ACP1: variants seen among roughly 807,000 people sequenced by gnomAD.
ACP1 encodes the protein low molecular weight phosphotyrosine protein phosphatase.
ACP1 carries 23 observed loss-of-function variants against 23.4 expected under a neutral mutation model. The ratio of observed to expected loss-of-function variants is 0.98; its 90% CI spans 0.71 to 1.39. The LOEUF (loss-of-function observed/expected upper bound fraction) is 1.39. Among genes scored for constraint, ACP1 ranks in the 40% most tolerant of loss-of-function variants. The pLI, the probability that ACP1 is intolerant of heterozygous loss-of-function variation, is 0.00. For missense variants in ACP1, 180 were observed against 197.7 expected, an observed-to-expected ratio of 0.91 and a Z score of 0.54; for synonymous variants, 72 against 67.2, an observed-to-expected ratio of 1.07 and a Z score of -0.35.
At chr2:269,863 T>G (rs187605972) in intron 1 of ACP1, among the ~76,000 whole-genome samples, 97 of 152,316 alleles carry the variant, frequency 6.4e-4, no homozygotes, top group Admixed American at 2.3e-3. Context: ...ATCATTTCCT[T>G]TTGTCCAGTG....
Position 278,260 on chromosome 2 carries a change from T to C in ACP1, c.*956T>C, listed in dbSNP as rs1413203851. Reference sequence around the variant, plus strand: ...TATTTCAAAATAAACTGGGGAGTTATAAAAATACAACTAGAGATATAAATC... The same window carrying C: ...TATTTCAAAATAAACTGGGGAGTTACAAAAATACAACTAGAGATATAAATC... On this transcript the variant is annotated 3_prime_UTR_variant, in exon 6 of 6. Coordinates refer to ENST00000272065, the MANE Select transcript of ACP1 (RefSeq NM_004300.4). The C allele has an allele frequency of 1.3e-5, 2 of 152,354 alleles. No homozygotes were observed. Among genetic ancestry groups the C allele is most frequent in the Non-Finnish European group, 2.9e-5 (2 of 68,026 alleles). The allele number at this position is 152,354 out of a possible 1,614,324, so 9.4% of individuals were successfully genotyped here. A position where few individuals can be genotyped will look rare whatever the true frequency, so the allele number is the denominator to read the frequency against.
intron 4 of ACP1, among the ~76,000 whole-genome samples, chr2:275,927 T>A (rs2103076232): frequency 6.6e-6 from 1 of 152,360 alleles, no homozygotes; most frequent in East Asian, 1.9e-4. Context: ...ATGCACCAGT[T>A]TCAATTATTT....
chr2:266,933 G>A (rs1482887733), intron 1 of ACP1, among the ~76,000 whole-genome samples: 1 of 152,114 alleles, frequency 6.6e-6, no homozygotes, highest in Non-Finnish European at 1.5e-5. Context: ...AACTAAGGGT[G>A]ACTCGAACTC....
chr2:275,968 TG>T (rs1352258195), intron 4 of ACP1, among the ~76,000 whole-genome samples: 4 of 152,246 alleles, frequency 2.6e-5, no homozygotes, highest in Non-Finnish European at 5.9e-5. Context: ...TTAAAATGCA[TG>T]TATTTTTTAA....
chr2:269,067 C>T (rs893029337), intron 1 of ACP1, among the ~76,000 whole-genome samples: 1 of 152,132 alleles, frequency 6.6e-6, no homozygotes, highest in African/African-American at 2.4e-5. Context: ...TAATAATTGT[C>T]TTAATTTGGA....
chr2:273,980 G>A (rs1670109179), intron 3 of ACP1, among the ~76,000 whole-genome samples: 2 of 152,102 alleles, frequency 1.3e-5, no homozygotes. Context: ...GAGCAACATA[G>A]TGAGACCCAT....
intron 1 of ACP1, 52 bp downstream of exon 1, chr2:265,059 C>G: frequency 1.2e-6 from 2 of 1,601,888 alleles, no homozygotes. Context: ...AGAGTTGGAT[C>G]GGGCTTGTGC....
chr2:265,331 G>A (rs1669833185), intron 1 of ACP1: 1 of 312,038 alleles, frequency 3.2e-6, no homozygotes, highest in African/African-American at 2.2e-5. Context: ...AATGGGCCCA[G>A]GTAGGCCTGG....
intron 1 of ACP1, among the ~76,000 whole-genome samples, chr2:271,331 A>C (rs1026777043): frequency 1.3e-5 from 2 of 150,912 alleles, no homozygotes; most frequent in African/African-American, 2.4e-5. Flanking sequence ...TGAATGAGAA[A>C]CCCATCTGTA....
intron 4 of ACP1, 35 bp from the exon 5 acceptor site, chr2:276,945 G>T: frequency 7.3e-7 from 1 of 1,369,296 alleles, no homozygotes; most frequent in Non-Finnish European, 1.0e-6. Context: ...TGAAACCATA[G>T]ATCAGAAAAC....
intron 4 of ACP1, 62 bp downstream of exon 4, chr2:275,263 T>C (rs1558264682): frequency 1.1e-6 from 1 of 902,938 alleles, no homozygotes; most frequent in South Asian, 2.2e-5. Context: ...GCCAAGTAAT[T>C]TGTTGTCCAG....
intron 1 of ACP1, chr2:269,157 A>G (rs2103071870): frequency 2.9e-6 from 1 of 345,212 alleles, no homozygotes; most frequent in South Asian, 2.3e-5. Context: ...GAAGCCTTTC[A>G]ATAATTAAAA....
intron 3 of ACP1, 135 bp downstream of exon 3, chr2:272,285 A>G: frequency 6.2e-7 from 1 of 1,613,754 alleles, no homozygotes; most frequent in African/African-American, 1.3e-5. Context: ...TGGCATTCAC[A>G]CAGCCCATAA....
chr2:267,858 A>G (rs1303929807), intron 1 of ACP1, among the ~76,000 whole-genome samples: 3 of 152,256 alleles, frequency 2.0e-5, no homozygotes, highest in African/African-American at 4.8e-5. Context: ...GTAGCCATCC[A>G]TATGATGAAC....
intron 4 of ACP1, 29 bp downstream of exon 4, chr2:275,230 T>G: frequency 7.3e-7 from 1 of 1,377,846 alleles, no homozygotes; most frequent in East Asian, 2.3e-5. Flanking sequence ...AATATTTCTG[T>G]TCAACTCTCA....
chr2:270,767 G>T (rs1164925955), intron 1 of ACP1, among the ~76,000 whole-genome samples: 1 of 152,138 alleles, frequency 6.6e-6, no homozygotes, highest in Non-Finnish European at 1.5e-5. Flanking sequence ...GATGACAGGA[G>T]AGTAAGGTGT....
intron 1 of ACP1, 162 bp downstream of exon 1, chr2:265,169 C>G (rs1258698637): frequency 1.4e-6 from 1 of 727,812 alleles, no homozygotes; most frequent in Non-Finnish European, 2.1e-6. Context: ...GCCCCTGTTC[C>G]CCATCCGCCC....
intron 3 of ACP1, among the ~76,000 whole-genome samples, chr2:274,381 C>T (rs915453067): frequency 5.3e-5 from 8 of 152,006 alleles, no homozygotes; most frequent in African/African-American, 1.7e-4. Context: ...TTATAGTAGT[C>T]GAAATTCACA....
At position 275,184 on chromosome 2, in the gene ACP1, G is replaced by A. The variant is rs1399758033; in HGVS notation, c.276G>A (p.Met92Ile). Residue 92 changes from methionine (M) to isoleucine (I), a missense_variant, in exon 4 of 6, where the codon ATG becomes ATA. Transcript: ENST00000272065. ...DFATFDYILC[M>I]DESNLRDLNR... ...CCACATTTGATTATATACTATGTATGGATGAAAGCAATCTGAGGTAATCCT... is the reference window on the plus strand; with the variant it reads ...CCACATTTGATTATATACTATGTATAGATGAAAGCAATCTGAGGTAATCCT... 1 of 1,538,200 alleles carries A rather than the reference G, an allele frequency of 6.5e-7. No individual in the cohort carries two copies. Among genetic ancestry groups the A allele is most frequent in the Non-Finnish European group, 8.9e-7 (1 of 1,124,308 alleles).
Sources: allele counts gnomAD v4.1 joint callset (sites outside exome capture counted in the v4.1 genomes callset), GRCh38; gene constraint gnomAD v4.1.1; transcripts MANE v1.5; gene names NCBI Gene and HGNC (gene_info 2026-07-23, HGNC 2026-07-21).